CDH11: variants seen among roughly 807,000 people sequenced by gnomAD.
CDH11 encodes the protein cadherin-11.
A neutral mutation model predicts 67.8 loss-of-function variants in CDH11; 11 were observed. The ratio of observed to expected loss-of-function variants is 0.16; its 90% CI spans 0.10 to 0.27. The LOEUF (loss-of-function observed/expected upper bound fraction) is 0.27. Among genes scored for constraint, CDH11 ranks in the 10% least tolerant of loss-of-function variants. CDH11 has a pLI of 1.00. For missense variants in CDH11, 847 were observed against 1,031.2 expected (o/e 0.82, Z 2.45); for synonymous variants, 419 against 400.0 (o/e 1.05, Z -0.57).
chr16:65,041,518 C>A (rs2073867824), intron 2 of CDH11, among the ~76,000 whole-genome samples: 1 of 152,146 alleles, frequency 6.6e-6, no homozygotes, highest in African/African-American at 2.4e-5. Context: ...TGTCAGAAAC[C>A]TTTTCCCTAC....
chr16:65,044,077 A>C (rs1229574349), intron 2 of CDH11, among the ~76,000 whole-genome samples: 1 of 152,194 alleles, frequency 6.6e-6, no homozygotes, highest in Non-Finnish European at 1.5e-5. Context: ...AAAATGGATG[A>C]GCAGCATTAG....
chr16:65,003,695 T>C (rs984204628), intron 3 of CDH11, among the ~76,000 whole-genome samples: 1 of 152,200 alleles, frequency 6.6e-6, no homozygotes, highest in Non-Finnish European at 1.5e-5. Context: ...TGCACTTTTC[T>C]GGAAGGGATA....
chr16:64,946,484 G>A lies in CDH11; in HGVS notation c.*1119C>T, dbSNP rs1455380294. ...AAATGCATACTATATAACACATATTGCAAAGTCATAGACTGACCTAGTTCT... is the reference window on the plus strand; with the variant it reads ...AAATGCATACTATATAACACATATTACAAAGTCATAGACTGACCTAGTTCT... On this transcript the variant is annotated 3_prime_UTR_variant, in exon 13 of 13. Coordinates refer to ENST00000268603, the MANE Select transcript of CDH11 (RefSeq NM_001797.4). 1 of 1,030,084 alleles carries A rather than the reference G, an allele frequency of 9.7e-7. No homozygotes were observed. 63.8% of individuals were successfully genotyped at this position (1,030,084 alleles called of 1,614,324 possible).
At chr16:64,949,973 A>G (rs1005252449) in intron 12 of CDH11, among the ~76,000 whole-genome samples, 25 of 152,138 alleles carry the variant, frequency 1.6e-4, no homozygotes, top group African/African-American at 5.1e-4. Context: ...AGCTCCATGA[A>G]TTCATTCGAG....
intron 1 of CDH11, among the ~76,000 whole-genome samples, chr16:65,108,728 T>C (rs1465428934): frequency 6.6e-6 from 1 of 151,970 alleles, no homozygotes; most frequent in East Asian, 1.9e-4. Context: ...GAGTAGACAA[T>C]TGAAAGTTGA....
At chr16:65,100,726 A>G (rs1338337988) in intron 1 of CDH11, among the ~76,000 whole-genome samples, 4 of 146,620 alleles carry the variant, frequency 2.7e-5, no homozygotes, top group African/African-American at 7.5e-5. Flanking sequence ...TGACAGAGCG[A>G]GACTCTGTCT....
chr16:64,954,949 A>AAT (rs1491292571), intron 11 of CDH11, among the ~76,000 whole-genome samples: 4 of 28,522 alleles, frequency 1.4e-4, no homozygotes, highest in African/African-American at 3.3e-4. Context: ...ACTAAAAAAT[A>AAT]AAAAAAAAAA....
intron 8 of CDH11, among the ~76,000 whole-genome samples, chr16:64,980,321 A>G (rs1727634489): frequency 6.6e-6 from 1 of 152,176 alleles, no homozygotes. Flanking sequence ...ATAGTTTGCC[A>G]AGGCCTAAAC....
intron 2 of CDH11, among the ~76,000 whole-genome samples, chr16:65,018,933 G>A (rs1177162636): frequency 6.6e-6 from 1 of 152,168 alleles, no homozygotes; most frequent in Non-Finnish European, 1.5e-5. Flanking sequence ...AGTCAAAGAT[G>A]CAATTGACAA....
rs763626581 is a variant in CDH11 at position 64,992,960 on chromosome 16, T to C, written c.598A>G (p.Ser200Gly). ...TYGNSAKLVY[S>G]ILEGQPYFSV... ...AAATAGGGTTGTCCTTCGAGGATAC[T>C]GTACACTAACTTGGCGCTATTTCCA... The change falls in exon 5 of 13, where the codon AGT becomes GGT. Residue 200 changes from serine to glycine, a missense_variant. Ser to Gly is a moderately conservative substitution (Grantham distance 56, BLOSUM62 0). Around this residue, in one of 2 missense-constraint regions of CDH11, gnomAD observed 235 missense variants for 352.5 expected, o/e 0.67. Coordinates refer to ENST00000268603, the MANE Select transcript of CDH11 (RefSeq NM_001797.4). 1 of 1,612,718 alleles carries C rather than the reference T, an allele frequency of 6.2e-7. No homozygotes were observed. Among genetic ancestry groups the C allele is most frequent in the Non-Finnish European group, 8.5e-7 (1 of 1,178,740 alleles).
At chr16:65,067,105 A>G (rs2074325016) in intron 1 of CDH11, among the ~76,000 whole-genome samples, 1 of 152,116 alleles carries the variant, frequency 6.6e-6, no homozygotes, top group Non-Finnish European at 1.5e-5. Flanking sequence ...TTTAATCCAC[A>G]GAAGCTCTAC....
At chr16:64,988,674 T>C (rs35199) in intron 6 of CDH11, among the ~76,000 whole-genome samples, 39,502 of 152,070 alleles carry the variant, frequency 0.26, 5,971 homozygotes, top group Middle Eastern at 0.36. Flanking sequence ...TTTAGCAAAA[T>C]AGCTGAAGCT....
rs182303040 is a variant in CDH11 at position 65,013,864 on chromosome 16, C to G, written c.-172-8823G>C. ...AAAGAAAAAGGGAAAAACCCTAGGA[C>G]CAGTCTCAAAGGGAGAGTGCCAAGA... On this transcript the variant is annotated intron_variant, in intron 2 of 12. Transcript: ENST00000268603. Among the ~76,000 whole-genome samples, 64 of 151,882 alleles carry G rather than the reference C, an allele frequency of 4.2e-4. 1 individual carries two copies. The highest frequency in any genetic ancestry group is 1.3e-3 in the African/African-American group (52 of 41,430).
At chr16:65,118,934 C>A (rs181864703) in intron 1 of CDH11, 39 of 152,286 alleles carry the variant, frequency 2.6e-4, no homozygotes, top group African/African-American at 9.1e-4. Context: ...ATTTGAAGAT[C>A]TTGTTTAGAT....
intron 1 of CDH11, among the ~76,000 whole-genome samples, chr16:65,075,673 TCTC>T (rs1392569181): frequency 6.6e-6 from 1 of 152,170 alleles, no homozygotes; most frequent in Non-Finnish European, 1.5e-5. Flanking sequence ...TGAAGATTTA[TCTC>T]CTCTGATGAA....
At chr16:64,981,354 C>T (rs931683187) in intron 8 of CDH11, 1 of 152,044 alleles carries the variant, frequency 6.6e-6, no homozygotes, top group Non-Finnish European at 1.5e-5. Flanking sequence ...GATCCACCCG[C>T]CTTAGCCTTC....
intron 11 of CDH11, among the ~76,000 whole-genome samples, chr16:64,965,518 C>A (rs1451154305): frequency 6.6e-6 from 1 of 152,144 alleles, no homozygotes; most frequent in Non-Finnish European, 1.5e-5. Context: ...GGGGTAGTAA[C>A]ACACATGGAG....
rs1310467119 is a variant in CDH11, at chr16:64,988,322, T to C, written c.834A>G (p.Ser278=). ...FPQSVYQMSV[S]EAAVPGEEVG... is the part of the protein sequence containing the mutation. Reference sequence around the variant, plus strand: ...CTTCCTCCCCAGGGACGGCTGCTTCTGACACAGACATCTGGTATACGCCTA... The same window carrying C: ...CTTCCTCCCCAGGGACGGCTGCTTCCGACACAGACATCTGGTATACGCCTA... Residue 278 remains serine, a synonymous_variant, in exon 7 of 13, where the codon TCA becomes TCG. Coordinates refer to ENST00000268603, the MANE Select transcript of CDH11 (RefSeq NM_001797.4). 2 of 1,613,188 alleles carry C rather than the reference T, an allele frequency of 1.2e-6. No homozygotes were observed. Among genetic ancestry groups the C allele is most frequent in the East Asian group, 4.5e-5 (2 of 44,856 alleles).
chr16:65,040,384 GA>G (rs2073843534), intron 2 of CDH11, among the ~76,000 whole-genome samples: 1 of 152,178 alleles, frequency 6.6e-6, no homozygotes, highest in Non-Finnish European at 1.5e-5. Context: ...CATAAAAAAT[GA>G]TGAGTTCATT....
Sources: gnomAD v4.1 joint callset for allele counts (sites outside exome capture counted in the v4.1 genomes callset) on GRCh38, gnomAD v4.1.1 for gene constraint, gnomAD v4.1.1 regional missense constraint, MANE v1.5 for transcripts, NCBI Gene and HGNC (gene_info 2026-07-23, HGNC 2026-07-21) for gene names.